Variants in LRMDA observed in about 807,000 individuals in gnomAD.
LRMDA encodes the protein leucine rich melanocyte differentiation associated, also known as leucine-rich melanocyte differentiation-associated protein.
In LRMDA, 18 loss-of-function variants were observed where a neutral mutation model predicts 29.8. The observed-to-expected ratio is 0.60, with a 90% confidence interval of 0.42 to 0.90. The LOEUF (loss-of-function observed/expected upper bound fraction) is 0.90, where lower values mean the gene tolerates loss of function less well. Ranked by LOEUF, LRMDA falls within the 40% of genes least tolerant of loss-of-function variation. LRMDA has a pLI of 0.00. For synonymous variants in LRMDA, 125 were observed against 109.4 expected (o/e 1.14, Z -0.89); for missense variants, 273 against 273.9 (o/e 1.00, Z 0.02).
intron 2 of LRMDA, among the ~76,000 whole-genome samples, chr10:75,554,202 T>C (rs920864868): frequency 6.6e-6 from 1 of 152,180 alleles, no homozygotes; most frequent in African/African-American, 2.4e-5. Flanking sequence ...GAGTGATGCT[T>C]ATTTGTAGTT....
intron 2 of LRMDA, among the ~76,000 whole-genome samples, chr10:76,007,031 T>TGTGTGTGTGTGTGTGTGCGC (rs1230411095): frequency 3.7e-5 from 1 of 26,906 alleles, no homozygotes; most frequent in East Asian, 7.8e-4. Flanking sequence ...TGTGTGTGTG[T>TGTGTGTGTGTGTGTGTGCGC]GCGCGTGTGT....
chr10:75,478,822 G>T (rs750537713), intron 2 of LRMDA, among the ~76,000 whole-genome samples: 1 of 152,184 alleles, frequency 6.6e-6, no homozygotes, highest in Non-Finnish European at 1.5e-5. Flanking sequence ...AACAGTGATG[G>T]TGAGTTAGAA....
At chr10:75,955,270 GAGAA>G (rs767803251) in intron 2 of LRMDA, among the ~76,000 whole-genome samples, 28 of 152,188 alleles carry the variant, frequency 1.8e-4, no homozygotes, top group Non-Finnish European at 3.1e-4. Context: ...TAGACTGTAA[GAGAA>G]AGGACTGAAT....
chr10:76,516,539 T>C (rs1293010102), intron 6 of LRMDA, among the ~76,000 whole-genome samples: 3 of 151,756 alleles, frequency 2.0e-5, no homozygotes, highest in African/African-American at 7.3e-5. Context: ...GTTCCCCTTC[T>C]TGTGTCCATG....
At chr10:75,573,914 T>A (rs1840468525) in intron 2 of LRMDA, among the ~76,000 whole-genome samples, 1 of 152,192 alleles carries the variant, frequency 6.6e-6, no homozygotes, top group South Asian at 2.1e-4. Context: ...TTTTTCAGCT[T>A]GGAGTTCAAA....
chr10:75,834,672 G>A (rs190278889), intron 2 of LRMDA, among the ~76,000 whole-genome samples: 115 of 152,252 alleles, frequency 7.6e-4, no homozygotes, highest in African/African-American at 2.7e-3. Flanking sequence ...TGTAACTGTA[G>A]GACACAATTC....
intron 6 of LRMDA, among the ~76,000 whole-genome samples, chr10:76,552,438 C>T (rs952431787): frequency 8.5e-5 from 13 of 152,328 alleles, no homozygotes; most frequent in South Asian, 4.1e-4. Context: ...TGTGGGGTTA[C>T]AGGCTGGATG....
At chr10:76,470,400 A>T (rs1425106115) in intron 6 of LRMDA, 3 of 152,226 alleles carry the variant, frequency 2.0e-5, no homozygotes, top group African/African-American at 7.2e-5. Flanking sequence ...TTCTAGGTAT[A>T]CACCCCAAAG....
At chr10:76,001,598 T>G (rs1362674374) in intron 2 of LRMDA, among the ~76,000 whole-genome samples, 1 of 152,024 alleles carries the variant, frequency 6.6e-6, no homozygotes, top group African/African-American at 2.4e-5. Flanking sequence ...CTGTTGAAAT[T>G]TAATGAAATA....
At chr10:76,249,020 A>T (rs960134447) in intron 5 of LRMDA, among the ~76,000 whole-genome samples, 9 of 152,228 alleles carry the variant, frequency 5.9e-5, no homozygotes, top group African/African-American at 2.2e-4. Context: ...GTACACAAAG[A>T]TCAGACTTGT....
intron 2 of LRMDA, among the ~76,000 whole-genome samples, chr10:75,858,025 C>T (rs1844856961): frequency 6.6e-6 from 1 of 152,222 alleles, no homozygotes. Flanking sequence ...GCTTCCAGCC[C>T]AGATGGCTCA....
intron 5 of LRMDA, among the ~76,000 whole-genome samples, chr10:76,218,363 G>A (rs1338849562): frequency 6.6e-6 from 1 of 152,226 alleles, no homozygotes; most frequent in Non-Finnish European, 1.5e-5. Flanking sequence ...GCAGTGCCGA[G>A]AGACCCGGAA....
intron 6 of LRMDA, among the ~76,000 whole-genome samples, chr10:76,439,252 G>T (rs968425549): frequency 3.9e-5 from 6 of 152,140 alleles, no homozygotes; most frequent in African/African-American, 1.4e-4. Context: ...GCCCCAAAGA[G>T]AATTTTTTTA....
chr10:75,970,247 G>A (rs1846942793), intron 2 of LRMDA, among the ~76,000 whole-genome samples: 1 of 152,190 alleles, frequency 6.6e-6, no homozygotes, highest in Non-Finnish European at 1.5e-5. Flanking sequence ...GCTAGCTTTG[G>A]GGCCTTGGGC....
intron 5 of LRMDA, among the ~76,000 whole-genome samples, chr10:76,289,641 T>A (rs763496954): frequency 2.6e-5 from 4 of 152,214 alleles, no homozygotes; most frequent in African/African-American, 4.8e-5. Flanking sequence ...GGAATACATT[T>A]ATGTGTACGG....
intron 6 of LRMDA, among the ~76,000 whole-genome samples, chr10:76,488,154 C>T (rs1842800433): frequency 6.6e-6 from 1 of 151,710 alleles, no homozygotes; most frequent in South Asian, 2.1e-4. Flanking sequence ...AATTTTATAA[C>T]ACTAGAAGAA....
intron 2 of LRMDA, among the ~76,000 whole-genome samples, chr10:75,512,873 T>G (rs1845241696): frequency 6.6e-6 from 1 of 152,182 alleles, no homozygotes. Context: ...TTATTTCTCT[T>G]GAATTTACCC....
chr10:75,885,804 G>A (rs1187229876), intron 2 of LRMDA, among the ~76,000 whole-genome samples: 4 of 152,226 alleles, frequency 2.6e-5, no homozygotes, highest in African/African-American at 9.6e-5. Context: ...CATAACACAT[G>A]TGCCTAGGAC....
intron 5 of LRMDA, among the ~76,000 whole-genome samples, chr10:76,102,734 C>T (rs563180478): frequency 6.6e-6 from 1 of 152,272 alleles, no homozygotes; most frequent in African/African-American, 2.4e-5. Flanking sequence ...TTCACTGCAG[C>T]CTCAAACACC....
Sources: allele counts gnomAD v4.1 joint callset (sites outside exome capture counted in the v4.1 genomes callset), GRCh38; gene constraint gnomAD v4.1.1; transcripts MANE v1.5; gene names NCBI Gene and HGNC (gene_info 2026-07-23, HGNC 2026-07-21).